BORA: variants seen among roughly 807,000 people sequenced by gnomAD.
BORA encodes BORA aurora kinase A activator, also known as protein aurora borealis.
BORA carries 26 observed loss-of-function variants against 55.8 expected under a neutral mutation model. The observed-to-expected ratio is 0.47, with a 90% CI of 0.34 to 0.65. The LOEUF is 0.65. Among genes scored for constraint, BORA ranks in the 30% least tolerant of loss-of-function variants. BORA has a pLI of 0.01. For missense variants in BORA, 568 were observed against 671.5 expected, an observed-to-expected ratio of 0.85 and a Z score of 1.70; for synonymous variants, 201 against 216.9, an observed-to-expected ratio of 0.93 and a Z score of 0.64.
intron 5 of BORA, among the ~76,000 whole-genome samples, chr13:72,742,806 A>G (rs2033063060): frequency 8.6e-6 from 1 of 115,932 alleles, no homozygotes; most frequent in Admixed American, 9.2e-5. Flanking sequence ...ACACACACAC[A>G]CACACAAAAT....
Position 72,734,944 on chromosome 13 carries a change from C to A in BORA, c.261-16C>A. On this transcript the variant is annotated splice_polypyrimidine_tract_variant and intron_variant, in intron 3 of 11. Transcript: ENST00000390667. ...AAGTAATAGCATGGTTATTTTTCTT[C>A]TTTATCTTTGTATAGAATAGATAAA... The A allele has an allele frequency of 6.5e-7, 1 of 1,530,048 alleles. No individual in the cohort carries two copies. Among genetic ancestry groups the A allele is most frequent in the Admixed American group, 1.8e-5 (1 of 54,926 alleles). 94.8% of individuals were successfully genotyped at this position (1,530,048 alleles called of 1,614,324 possible).
chr13:72,728,811 G>C, intron 1 of BORA, 115 bp from the exon 2 acceptor site: 1 of 859,934 alleles, frequency 1.2e-6, no homozygotes. Context: ...AGCCCCAAGA[G>C]TGTGAGGTTT....
chr13:72,747,237 A>T (rs1057496912), intron 10 of BORA, 126 bp downstream of exon 10: 10 of 980,136 alleles, frequency 1.0e-5, no homozygotes, highest in African/African-American at 1.7e-5. Flanking sequence ...AATATTTTTT[A>T]AAAATATTAA....
At chr13:72,738,240 C>G (rs1414649526) in intron 5 of BORA, among the ~76,000 whole-genome samples, 197 bp downstream of exon 5, 1 of 151,878 alleles carries the variant, frequency 6.6e-6, no homozygotes, top group Non-Finnish European at 1.5e-5. Flanking sequence ...CTGTTATACT[C>G]TGAATTTAAC....
chr13:72,732,241 T>TA (rs1216116562), intron 3 of BORA, among the ~76,000 whole-genome samples: 1 of 152,204 alleles, frequency 6.6e-6, no homozygotes, highest in Non-Finnish European at 1.5e-5. Flanking sequence ...GGTAAATACT[T>TA]ACTGGCTTTT....
intron 5 of BORA, among the ~76,000 whole-genome samples, chr13:72,742,491 T>C (rs529468554): frequency 6.0e-4 from 91 of 152,138 alleles, no homozygotes; most frequent in Non-Finnish European, 1.1e-3. Context: ...TTTAATCTGT[T>C]GAGGACATTG....
intron 10 of BORA, chr13:72,753,046 TAGTAA>T (rs1383049596): frequency 6.6e-6 from 1 of 152,176 alleles, no homozygotes; most frequent in Non-Finnish European, 1.5e-5. Flanking sequence ...TTTCCTTCTC[TAGTAA>T]AGTATTAGGG....
In BORA at chr13:72,743,557, T is replaced by C; in HGVS notation, c.409T>C (p.Ser137Pro). 1 of 1,610,828 alleles carries C rather than the reference T, an allele frequency of 6.2e-7. No homozygotes were observed. Among genetic ancestry groups the C allele is most frequent in the Non-Finnish European group, 8.5e-7 (1 of 1,178,042 alleles). ...TACAGGCACTAACATAAATAGTGAC[T>C]CTCCAGTTGGAAAAAAGCTGACCAT... Reference protein sequence around the residue: ...SSKCTNINSDSPVGKKLTIHS... With the variant: ...SSKCTNINSDPPVGKKLTIHS... Residue 137 changes from serine to proline, a missense_variant, in exon 6 of 12, where the codon TCT (serine) becomes CCT (proline). Transcript: ENST00000390667.
intron 4 of BORA, 98 bp downstream of exon 4, chr13:72,735,103 C>A: frequency 1.1e-6 from 1 of 934,430 alleles, no homozygotes; most frequent in Non-Finnish European, 1.7e-6. Flanking sequence ...CTTCACTGTC[C>A]TATCTCCCCT....
At chr13:72,753,932 A>G in intron 11 of BORA, 111 bp downstream of exon 11, 1 of 1,118,864 alleles carries the variant, frequency 8.9e-7, no homozygotes, top group South Asian at 1.7e-5. Flanking sequence ...TTAAAACACT[A>G]AAAGGTAAGC....
Position 72,753,660 on chromosome 13 carries a change from A to G in BORA, c.1483-30A>G, listed in dbSNP as rs1396105322. The G allele has an allele frequency of 1.9e-6, 3 of 1,597,700 alleles. No homozygotes were observed. The South Asian group carries it at 3.4e-5, about 18-fold the overall frequency. ...AATATTTGACTTTTAAGTTCCTCAC[A>G]ATATATTTTTTTCTTTTTTCTCCTG... On this transcript the variant is annotated intron_variant, in intron 10 of 11. Coordinates refer to ENST00000390667, the MANE Select transcript of BORA (RefSeq NM_024808.5).
At chr13:72,742,832 C>T (rs1441954969) in intron 5 of BORA, among the ~76,000 whole-genome samples, 1 of 149,990 alleles carries the variant, frequency 6.7e-6, no homozygotes, top group Admixed American at 6.7e-5. Context: ...ACTATTCAGC[C>T]TTAAAAAAGA....
At chr13:72,743,304 A>C (rs1408213152) in intron 5 of BORA, among the ~76,000 whole-genome samples, 1 of 152,208 alleles carries the variant, frequency 6.6e-6, no homozygotes, top group African/African-American at 2.4e-5. Flanking sequence ...ATGTAAAAAA[A>C]ATATTGCTTG....
At chr13:72,750,038 C>T (rs1464142518) in intron 10 of BORA, among the ~76,000 whole-genome samples, 1 of 152,038 alleles carries the variant, frequency 6.6e-6, no homozygotes, top group Non-Finnish European at 1.5e-5. Flanking sequence ...AGAACGAATA[C>T]GTAGGTTAAG....
chr13:72,751,891 A>C (rs1240397421), intron 10 of BORA, among the ~76,000 whole-genome samples: 2 of 152,160 alleles, frequency 1.3e-5, no homozygotes, highest in Admixed American at 1.3e-4. Flanking sequence ...AAAAGCAAAA[A>C]CATAAGTAGT....
At chr13:72,738,447 G>C (rs1231350769) in intron 5 of BORA, among the ~76,000 whole-genome samples, 16 of 152,150 alleles carry the variant, frequency 1.1e-4, no homozygotes, top group Non-Finnish European at 2.9e-5. Flanking sequence ...GGTAAAGAAA[G>C]GATGAAGACT....
rs758738171 is a variant in BORA, at chr13:72,743,559, T to C, written c.411T>C (p.Ser137=). The C allele has an allele frequency of 1.2e-6, 2 of 1,611,062 alleles. No homozygotes were observed. Among genetic ancestry groups the C allele is most frequent in the South Asian group, 2.2e-5 (2 of 90,782 alleles). The change falls in exon 6 of 12, where the codon TCT becomes TCC. Residue 137 remains serine (S), a synonymous_variant. Transcript: ENST00000390667. ...CAGGCACTAACATAAATAGTGACTC[T>C]CCAGTTGGAAAAAAGCTGACCATTC... ...SSKCTNINSD[S]PVGKKLTIHS...
At chr13:72,736,033 T>G (rs1016488877) in intron 4 of BORA, among the ~76,000 whole-genome samples, 7 of 152,102 alleles carry the variant, frequency 4.6e-5, no homozygotes, top group Non-Finnish European at 1.0e-4. Flanking sequence ...TCCTTAGCCG[T>G]ACTTGGCTCT....
At position 72,755,154 on chromosome 13, in the gene BORA, G is replaced by T; in HGVS notation, c.1618G>T (p.Asp540Tyr). ...GGTATTGTCTTCTTTTTCACAGCAA[G>T]ACCACACAACACAGAGGTGTTGGAT... is the stretch of plus-strand genomic sequence containing the variant. ...SKSQAFNMKQ[D>Y]HTTQRCWMKT... The change falls in exon 12 of 12, where the codon GAC (aspartate) becomes TAC (tyrosine). Residue 540 changes from aspartate to tyrosine, a missense_variant. Physicochemically the swap from Asp to Tyr is radical, Grantham distance 160 (BLOSUM62 -3). Transcript: ENST00000390667. 1 of 1,613,618 alleles carries T rather than the reference G, an allele frequency of 6.2e-7. No individual in the cohort carries two copies. The highest frequency in any genetic ancestry group is 1.1e-5 in the South Asian group (1 of 91,062).
Sources: gnomAD v4.1 joint callset for allele counts (sites outside exome capture counted in the v4.1 genomes callset) on GRCh38, gnomAD v4.1.1 for gene constraint, MANE v1.5 for transcripts, NCBI Gene and HGNC (gene_info 2026-07-23, HGNC 2026-07-21) for gene names.